Variants in IL1RAPL1 observed in about 807,000 individuals in gnomAD.
IL1RAPL1 encodes interleukin 1 receptor accessory protein like 1, also known as interleukin-1 receptor accessory protein-like 1.
Under a neutral mutation model 48.4 loss-of-function variants are expected in IL1RAPL1, and 3 were observed. That is an observed-to-expected ratio of 0.06 (90% CI 0.03 to 0.16). IL1RAPL1 has a LOEUF of 0.16. Among genes scored for constraint, IL1RAPL1 ranks in the 10% least tolerant of loss-of-function variants. The pLI is 1.00. For missense variants in IL1RAPL1, 349 were observed against 530.6 expected, an observed-to-expected ratio of 0.66 and a Z score of 3.36; for synonymous variants, 185 against 187.7, an observed-to-expected ratio of 0.99 and a Z score of 0.12.
chrX:29,335,300 G>C (rs1602179641), intron 3 of IL1RAPL1, among the ~76,000 whole-genome samples: 2 of 2,325 alleles, frequency 8.6e-4, no homozygotes, highest in East Asian at 0.083. Context: ...AGAGGGGAGA[G>C]GGGAGAGGGG....
chrX:29,469,180 A>G (rs907585046), intron 5 of IL1RAPL1, among the ~76,000 whole-genome samples: 3 of 112,322 alleles, frequency 2.7e-5, no homozygotes, highest in African/African-American at 9.7e-5. Context: ...ATCCTGGTGT[A>G]TTAAAAGATT....
At chrX:28,798,251 C>T (rs1158185094) in intron 2 of IL1RAPL1, among the ~76,000 whole-genome samples, 1 of 111,754 alleles carries the variant, frequency 8.9e-6, no homozygotes, top group Non-Finnish European at 1.9e-5. Context: ...CCCTGATCCA[C>T]TGGTGGTCAA....
chrX:29,309,602 C>T (rs1932677657), intron 3 of IL1RAPL1, among the ~76,000 whole-genome samples: 2 of 108,889 alleles, frequency 1.8e-5, no homozygotes, highest in South Asian at 7.8e-4. Flanking sequence ...CACCTGAGGT[C>T]AGGAGTTTGA....
At chrX:29,130,096 T>A (rs921412992) in intron 2 of IL1RAPL1, among the ~76,000 whole-genome samples, 7 of 111,616 alleles carry the variant, frequency 6.3e-5, no homozygotes, top group African/African-American at 2.0e-4. Flanking sequence ...CTAGCTCTGG[T>A]ATTCTTACGA....
chrX:28,708,066 T>G (rs1935396615), intron 1 of IL1RAPL1, among the ~76,000 whole-genome samples: 1 of 111,421 alleles, frequency 9.0e-6, no homozygotes, highest in South Asian at 3.8e-4. Flanking sequence ...CCCAGGGAGC[T>G]TGCAAGGCCC....
chrX:28,883,894 A>G (rs906711410), intron 2 of IL1RAPL1, among the ~76,000 whole-genome samples: 1 of 112,197 alleles, frequency 8.9e-6, no homozygotes, highest in Non-Finnish European at 1.9e-5. Flanking sequence ...TACATATCTT[A>G]GAAGTGTTTC....
chrX:29,064,626 G>A (rs1210484543), intron 2 of IL1RAPL1, among the ~76,000 whole-genome samples: 8 of 111,490 alleles, frequency 7.2e-5, no homozygotes, highest in Admixed American at 6.6e-4. Context: ...CTGTCGTCCA[G>A]GCTGGAGTGC....
chrX:29,638,247 T>A (rs779483191), intron 5 of IL1RAPL1, among the ~76,000 whole-genome samples: 1 of 109,852 alleles, frequency 9.1e-6, no homozygotes, highest in African/African-American at 3.3e-5. Context: ...AATGTTAACA[T>A]CTGCTGTCAA....
intron 6 of IL1RAPL1, among the ~76,000 whole-genome samples, chrX:29,746,752 C>T (rs949971366): frequency 8.9e-6 from 1 of 111,739 alleles, no homozygotes; most frequent in Non-Finnish European, 1.9e-5. Flanking sequence ...GGATTACAGG[C>T]ATGTGCCACC....
At chrX:29,689,485 G>C (rs1310294709) in intron 6 of IL1RAPL1, among the ~76,000 whole-genome samples, 1 of 112,478 alleles carries the variant, frequency 8.9e-6, no homozygotes, top group East Asian at 2.8e-4. Flanking sequence ...TTGTTTGAAA[G>C]TGGTAGGTAA....
chrX:29,057,076 C>T (rs1490592698), intron 2 of IL1RAPL1, among the ~76,000 whole-genome samples: 1 of 111,659 alleles, frequency 9.0e-6, no homozygotes. Context: ...CACTTTAGGA[C>T]AATTAAAGTG....
chrX:29,053,388 A>G (rs1013410092), intron 2 of IL1RAPL1, among the ~76,000 whole-genome samples: 5 of 111,857 alleles, frequency 4.5e-5, no homozygotes, highest in Admixed American at 9.5e-5. Flanking sequence ...CCTTGGATAT[A>G]TACCCAGTAG....
At chrX:29,341,489 A>T (rs1441452913) in intron 3 of IL1RAPL1, among the ~76,000 whole-genome samples, 2 of 112,246 alleles carry the variant, frequency 1.8e-5, no homozygotes, top group African/African-American at 6.5e-5. Flanking sequence ...TTAGTGTTGG[A>T]ATGGCTAAGA....
intron 2 of IL1RAPL1, among the ~76,000 whole-genome samples, chrX:29,229,565 T>A (rs1472433279): frequency 8.9e-6 from 1 of 112,005 alleles, no homozygotes; most frequent in African/African-American, 3.2e-5. Flanking sequence ...TACAGGAAAC[T>A]TGAAAGTTCA....
At chrX:29,833,461 C>T (rs775212171) in intron 6 of IL1RAPL1, among the ~76,000 whole-genome samples, 2 of 111,067 alleles carry the variant, frequency 1.8e-5, no homozygotes, top group East Asian at 5.6e-4. Context: ...TTACATTAAT[C>T]CCCTATAAGG....
chrX:29,294,195 G>T (rs1316662607), intron 3 of IL1RAPL1, among the ~76,000 whole-genome samples: 1 of 111,053 alleles, frequency 9.0e-6, no homozygotes, highest in Non-Finnish European at 1.9e-5. Context: ...TCTGTTAAAA[G>T]GTTTCAGGAA....
chrX:29,053,284 G>A (rs1470002788), intron 2 of IL1RAPL1, among the ~76,000 whole-genome samples: 1 of 111,730 alleles, frequency 9.0e-6, no homozygotes, highest in African/African-American at 3.3e-5. Context: ...ACCATTGATG[G>A]GCATTTAGGT....
chrX:28,909,329 T>C (rs1274129537), intron 2 of IL1RAPL1, among the ~76,000 whole-genome samples: 1 of 111,750 alleles, frequency 8.9e-6, no homozygotes, highest in Non-Finnish European at 1.9e-5. Context: ...GGGGGATATA[T>C]GCAGGTCTCT....
rs199569270 is a variant in IL1RAPL1, at chrX:29,328,642, T to G, written c.362+45425T>G. On this transcript the variant is annotated intron_variant, in intron 3 of 10. Transcript: ENST00000378993. ...AATAAATTATATATGTATATATATA[T>G]AGAGAGAGAGAGAGAGAGAGAGAGA... is the stretch of plus-strand genomic sequence containing the variant. 7.9e-3 allele frequency among the ~76,000 whole-genome samples: 823 copies of G among 103,972 alleles called. 10 individuals carry two copies. Among genetic ancestry groups the G allele is most frequent in the East Asian group, 0.06 (199 of 3,328 alleles). 90.3% of individuals were successfully genotyped at this position (103,972 alleles called of 115,157 possible).
Sources: gnomAD v4.1 joint callset for allele counts (sites outside exome capture counted in the v4.1 genomes callset) on GRCh38, gnomAD v4.1.1 for gene constraint, MANE v1.5 for transcripts, NCBI Gene and HGNC (gene_info 2026-07-23, HGNC 2026-07-21) for gene names.